The following KDM5B variants were observed in gnomAD, a reference collection of about 807,000 sequenced individuals.
KDM5B encodes the protein lysine-specific demethylase 5B.
In KDM5B, 144 loss-of-function variants were observed where a neutral mutation model predicts 193.4. The observed-to-expected ratio is 0.74, with a 90% CI of 0.65 to 0.86. KDM5B has a LOEUF of 0.86. Ranked by LOEUF, KDM5B falls within the 40% of genes least tolerant of loss-of-function variation. The pLI, the probability that KDM5B is intolerant of heterozygous loss-of-function variation, is 0.00. For missense variants in KDM5B, 1,833 were observed against 1,886.9 expected (o/e 0.97, Z 0.53); for synonymous variants, 668 against 682.6 (o/e 0.98, Z 0.33).
chr1:202,788,194 T>G (rs1657489490), intron 1 of KDM5B, among the ~76,000 whole-genome samples: 1 of 152,208 alleles, frequency 6.6e-6, no homozygotes, highest in African/African-American at 2.4e-5. Context: ...AAGTTATACC[T>G]GGGTCAACCC....
At chr1:202,788,559 TGTATTGGTATTGGTATTG>T (rs71142560) in intron 1 of KDM5B, among the ~76,000 whole-genome samples, 15 of 151,306 alleles carry the variant, frequency 9.9e-5, no homozygotes, top group East Asian at 2.0e-4. Context: ...TGATCTGTAT[TGTATTGGTATTGGTATTG>T]GTATTGGTAT....
At chr1:202,783,508 A>T (rs1657281573) in intron 1 of KDM5B, among the ~76,000 whole-genome samples, 2 of 152,180 alleles carry the variant, frequency 1.3e-5, no homozygotes, top group Admixed American at 6.6e-5. Context: ...GTCTCAAAAA[A>T]AAACAAAAAC....
At position 202,735,645 on chromosome 1, in the gene KDM5B, A is replaced by G. The variant is rs961033675; in HGVS notation, c.3265-58T>C. ...ATAAATTTCAGATAAAGCATTATGT[A>G]GGAAGTCCCAAAATAAAAGCCTAAG... On this transcript the variant is annotated intron_variant, in intron 21 of 26. Transcript: ENST00000367265. 2.3e-5 allele frequency: 35 copies of G among 1,494,802 alleles called. No homozygotes were observed. The Admixed American group carries it at 4.5e-4, about 19-fold the overall frequency. 92.6% of individuals were successfully genotyped at this position (1,494,802 alleles called of 1,614,324 possible).
At chr1:202,781,014 T>A (rs1657175924) in intron 1 of KDM5B, among the ~76,000 whole-genome samples, 1 of 152,198 alleles carries the variant, frequency 6.6e-6, no homozygotes, top group African/African-American at 2.4e-5. Flanking sequence ...AGACTGCTTT[T>A]AGTTTAGAAT....
intron 1 of KDM5B, chr1:202,807,419 C>T (rs1658344494): frequency 6.6e-6 from 1 of 151,532 alleles, no homozygotes; most frequent in African/African-American, 2.4e-5. Context: ...GGGCTGGACC[C>T]GCGGCTCCTC....
chr1:202,779,562 C>G lies in KDM5B; in HGVS notation c.205-2468G>C, dbSNP rs569090194. ...GGCTCACACCAGTAATCCCAGCACT[C>G]TGGGAGTCCGAGGCAAGCAGATCAC... On this transcript the variant is annotated intron_variant, in intron 1 of 26. Coordinates refer to ENST00000367265, the MANE Select transcript of KDM5B (RefSeq NM_006618.5). 4.0e-5 allele frequency among the ~76,000 whole-genome samples: 6 copies of G among 151,882 alleles called. No homozygotes were observed. In the East Asian group the frequency reaches 7.8e-4, roughly 20 times the overall value.
chr1:202,781,898 T>A (rs969210217), intron 1 of KDM5B, among the ~76,000 whole-genome samples: 1 of 152,240 alleles, frequency 6.6e-6, no homozygotes, highest in Non-Finnish European at 1.5e-5. Context: ...ATTGATCAGA[T>A]AATGTACCTT....
At chr1:202,792,622 T>C (rs1572775085) in intron 1 of KDM5B, among the ~76,000 whole-genome samples, 2 of 152,292 alleles carry the variant, frequency 1.3e-5, no homozygotes, top group East Asian at 1.9e-4. Flanking sequence ...CTTTGATAAC[T>C]GTATACATGC....
At chr1:202,801,897 G>A (rs1372204458) in intron 1 of KDM5B, among the ~76,000 whole-genome samples, 4 of 151,492 alleles carry the variant, frequency 2.6e-5, no homozygotes, top group East Asian at 1.9e-4. Context: ...TTGTCGGTAC[G>A]CCCTCTGGTG....
chr1:202,757,221 G>A (rs542682229), intron 9 of KDM5B, among the ~76,000 whole-genome samples: 8 of 152,272 alleles, frequency 5.3e-5, no homozygotes, highest in South Asian at 2.1e-4. Flanking sequence ...CGCAGAGCTC[G>A]GGTGTAATGT....
In KDM5B at chr1:202,735,503, T is replaced by C. The variant is rs1655057100; in HGVS notation, c.3349A>G (p.Lys1117Glu). 3 of 1,614,060 alleles carry C rather than the reference T, an allele frequency of 1.9e-6. No homozygotes were observed. Among genetic ancestry groups the C allele is most frequent in the African/African-American group, 2.7e-5 (2 of 74,930 alleles). The change falls in exon 22 of 27, where the codon AAA (lysine) becomes GAA (glutamate). Residue 1117 changes from lysine to glutamate, a missense_variant. This residue lies in a region of KDM5B where 1,379 missense variants were observed against 1,349.6 expected (regional missense o/e 1.02). Transcript: ENST00000367265. ...KLKEPLPNGKKKSTKLESLSD... is the reference protein window; with the variant it reads ...KLKEPLPNGKEKSTKLESLSD... The stretch of plus-strand genomic sequence containing the variant: ...AGACTCTCTAATTTGGTGCTTTTTT[T>C]CTTTCCATTTGGCAAGGGCTCCTTT...
At chr1:202,795,513 G>A (rs1441215528) in intron 1 of KDM5B, among the ~76,000 whole-genome samples, 2 of 152,016 alleles carry the variant, frequency 1.3e-5, no homozygotes, top group Non-Finnish European at 2.9e-5. Flanking sequence ...TTAGTTGGGC[G>A]TGGTGGCACG....
chr1:202,783,948 TA>T (rs903703816), intron 1 of KDM5B, among the ~76,000 whole-genome samples: 1 of 151,990 alleles, frequency 6.6e-6, no homozygotes, highest in African/African-American at 2.4e-5. Context: ...GGCAATTAAG[TA>T]GAAAGTTGAA....
chr1:202,803,824 A>G (rs77118896), intron 1 of KDM5B, among the ~76,000 whole-genome samples: 1 of 146,398 alleles, frequency 6.8e-6, no homozygotes, highest in Non-Finnish European at 1.5e-5. Context: ...ACTCCATCTC[A>G]AAAAAAAAAG....
chr1:202,757,287 G>C (rs981080712), intron 9 of KDM5B, among the ~76,000 whole-genome samples: 18 of 152,188 alleles, frequency 1.2e-4, no homozygotes, highest in Non-Finnish European at 5.9e-5. Context: ...CCACCGACTG[G>C]TATTGGTCAA....
intron 1 of KDM5B, among the ~76,000 whole-genome samples, chr1:202,791,018 G>C (rs1402234862): frequency 6.6e-6 from 1 of 152,178 alleles, no homozygotes; most frequent in African/African-American, 2.4e-5. Context: ...ACTTTAAAGA[G>C]ATAAGGATGT....
At chr1:202,767,972 T>C (rs1558502280) in intron 4 of KDM5B, among the ~76,000 whole-genome samples, 1 of 152,228 alleles carries the variant, frequency 6.6e-6, no homozygotes, top group Non-Finnish European at 1.5e-5. Flanking sequence ...TACAACTGTA[T>C]AGTTTCAGAT....
chr1:202,792,608 G>A (rs1286703475), intron 1 of KDM5B, among the ~76,000 whole-genome samples: 1 of 152,066 alleles, frequency 6.6e-6, no homozygotes, highest in African/African-American at 2.4e-5. Context: ...AAATCTAAAT[G>A]GTACTTTGAT....
At chr1:202,803,713 G>C (rs990826662) in intron 1 of KDM5B, among the ~76,000 whole-genome samples, 1 of 152,048 alleles carries the variant, frequency 6.6e-6, no homozygotes, top group African/African-American at 2.4e-5. Flanking sequence ...CAGCTACTCA[G>C]GAGGCTGAGG....
Sources: allele counts gnomAD v4.1 joint callset (sites outside exome capture counted in the v4.1 genomes callset), GRCh38; gene constraint gnomAD v4.1.1; regional missense constraint gnomAD v4.1.1; transcripts MANE v1.5; gene names NCBI Gene and HGNC (gene_info 2026-07-23, HGNC 2026-07-21).